ADAMTSL1: variants seen among roughly 807,000 people sequenced by gnomAD.
ADAMTSL1 encodes ADAMTS like 1.
ADAMTSL1 carries 126 observed loss-of-function variants against 201.8 expected under a neutral mutation model. That is an observed-to-expected ratio of 0.62 (90% confidence interval 0.54 to 0.72). The LOEUF is 0.72. ADAMTSL1 is among the 30% of genes least tolerant of loss of function. The probability of loss-of-function intolerance (pLI) is 0.00; values close to 1 mark genes in which losing one functional copy is unlikely to be tolerated. For missense variants in ADAMTSL1, 2,679 were observed against 2,277.8 expected, an observed-to-expected ratio of 1.18 and a Z score of -3.59; for synonymous variants, 1,121 against 903.4, an observed-to-expected ratio of 1.24 and a Z score of -4.32.
intron 4 of ADAMTSL1, among the ~76,000 whole-genome samples, chr9:18,598,713 AC>A (rs1457286418): frequency 6.6e-6 from 1 of 152,082 alleles, no homozygotes; most frequent in African/African-American, 2.4e-5. Flanking sequence ...GTGCAAACCC[AC>A]TGCACCTGCA....
chr9:18,401,083 A>G (rs2133266144), intron 2 of ADAMTSL1, among the ~76,000 whole-genome samples: 2 of 152,326 alleles, frequency 1.3e-5, no homozygotes, highest in African/African-American at 4.8e-5. Flanking sequence ...GACTGTGGCC[A>G]TTAACCAACT....
At position 18,382,498 on chromosome 9, in the gene ADAMTSL1, C is replaced by T. The variant is rs572728659; in HGVS notation, c.208-122331C>T. 4.5e-4 allele frequency among the ~76,000 whole-genome samples: 69 copies of T among 151,832 alleles called. 1 individual carries two copies. Among genetic ancestry groups the T allele is most frequent in the African/African-American group, 1.5e-3 (63 of 41,390 alleles). On this transcript the variant is annotated intron_variant, in intron 2 of 29. Transcript: ENST00000680146. Reference sequence around the variant, plus strand: ...GATTACGTTTTTCTTTTTTTAATGGCGAGAACTGCTTTAGGGTGGGAAGAG... The same window carrying T: ...GATTACGTTTTTCTTTTTTTAATGGTGAGAACTGCTTTAGGGTGGGAAGAG...
At chr9:18,154,818 A>G (rs988697839) in intron 1 of ADAMTSL1, among the ~76,000 whole-genome samples, 1 of 152,088 alleles carries the variant, frequency 6.6e-6, no homozygotes, top group African/African-American at 2.4e-5. Context: ...AATGCTTGCT[A>G]TGCATTAAGT....
intron 23 of ADAMTSL1, among the ~76,000 whole-genome samples, chr9:18,858,840 A>G (rs1013388178): frequency 6.6e-6 from 1 of 152,234 alleles, no homozygotes; most frequent in Non-Finnish European, 1.5e-5. Flanking sequence ...CCTGGGGTCC[A>G]CAAGCTTTGG....
At chr9:18,713,038 C>G (rs1832709238) in intron 14 of ADAMTSL1, among the ~76,000 whole-genome samples, 1 of 151,770 alleles carries the variant, frequency 6.6e-6, no homozygotes, top group South Asian at 2.1e-4. Context: ...ACTTTACAGA[C>G]AAGCAAATGC....
chr9:18,561,036 A>G lies in ADAMTSL1; in HGVS notation c.238-12994A>G, dbSNP rs146000320. Among the ~76,000 whole-genome samples the G allele has an allele frequency of 9.6e-4, 143 of 149,272 alleles. 3 individuals carry two copies. The East Asian group carries it at 0.026, about 27-fold the overall frequency. On this transcript the variant is annotated intron_variant, in intron 3 of 28. Coordinates refer to ENST00000380548, the MANE Select transcript of ADAMTSL1 (RefSeq NM_001040272.6). ...TCTGCCCTGATCTTAGTTATTTCTT[A>G]TCTTCTGCTAGCTTTTGAATTCCTG...
intron 16 of ADAMTSL1, among the ~76,000 whole-genome samples, chr9:18,756,647 T>C (rs1046751758): frequency 2.0e-5 from 3 of 152,212 alleles, no homozygotes; most frequent in Middle Eastern, 3.2e-3. Flanking sequence ...TTAGCAAGGA[T>C]CTGCCAGAGG....
At chr9:18,105,178 A>G (rs1477758105) in intron 1 of ADAMTSL1, among the ~76,000 whole-genome samples, 2 of 152,198 alleles carry the variant, frequency 1.3e-5, no homozygotes, top group Non-Finnish European at 2.9e-5. Flanking sequence ...TCTCACCTGT[A>G]AAACAAGCGA....
rs115658539 is a variant in ADAMTSL1 at position 18,899,710 on chromosome 9, A to G, written c.4852-6072A>G. 6.9e-3 allele frequency among the ~76,000 whole-genome samples: 1,058 copies of G among 152,314 alleles called. 12 individuals carry two copies. Among genetic ancestry groups the G allele is most frequent in the African/African-American group, 0.024 (1,010 of 41,570 alleles). On this transcript the variant is annotated intron_variant, in intron 26 of 28. Coordinates refer to ENST00000380548, the MANE Select transcript of ADAMTSL1 (RefSeq NM_001040272.6). Reference sequence around the variant, plus strand: ...GGAGAAAGGACTCCCTACTTAATAGATGGTGCTTGGATAACTGGCTAGCTG... The same window carrying G: ...GGAGAAAGGACTCCCTACTTAATAGGTGGTGCTTGGATAACTGGCTAGCTG...
intron 2 of ADAMTSL1, among the ~76,000 whole-genome samples, chr9:18,183,263 A>G (rs528601357): frequency 1.6e-4 from 24 of 152,340 alleles, no homozygotes; most frequent in African/African-American, 5.3e-4. Flanking sequence ...CAGAAACACA[A>G]AACTAAAAAA....
intron 2 of ADAMTSL1, among the ~76,000 whole-genome samples, chr9:18,444,792 C>G (rs1035794506): frequency 1.3e-5 from 2 of 152,056 alleles, no homozygotes; most frequent in Non-Finnish European, 2.9e-5. Context: ...TGCAGAAATG[C>G]CATATTTAAT....
intron 2 of ADAMTSL1, among the ~76,000 whole-genome samples, chr9:18,423,043 T>C (rs1251027407): frequency 6.6e-6 from 1 of 152,188 alleles, no homozygotes; most frequent in Admixed American, 6.5e-5. Flanking sequence ...AACTCCCTCA[T>C]CTTGTAGTGA....
intron 17 of ADAMTSL1, among the ~76,000 whole-genome samples, chr9:18,772,700 G>A (rs957289179): frequency 6.6e-6 from 1 of 152,128 alleles, no homozygotes; most frequent in African/African-American, 2.4e-5. Context: ...CCTACTAAAA[G>A]TGAACCCTTA....
intron 2 of ADAMTSL1, among the ~76,000 whole-genome samples, chr9:18,218,585 G>A (rs1830137835): frequency 6.6e-6 from 1 of 152,000 alleles, no homozygotes; most frequent in South Asian, 2.1e-4. Context: ...TTAATTGCCT[G>A]TTCATATCTT....
intron 2 of ADAMTSL1, among the ~76,000 whole-genome samples, chr9:18,528,574 A>G (rs1265685351): frequency 3.3e-5 from 5 of 152,136 alleles, no homozygotes; most frequent in Non-Finnish European, 7.3e-5. Context: ...TCCATGGTGT[A>G]TATGGACCAC....
intron 1 of ADAMTSL1, among the ~76,000 whole-genome samples, chr9:18,503,980 A>AAG (rs1554691178): frequency 6.8e-6 from 1 of 148,042 alleles, no homozygotes; most frequent in Non-Finnish European, 1.5e-5. Context: ...ATGTGCATGC[A>AAG]TGTGTGTGTG....
At chr9:18,347,388 A>T (rs148785002) in intron 2 of ADAMTSL1, among the ~76,000 whole-genome samples, 12 of 152,260 alleles carry the variant, frequency 7.9e-5, no homozygotes, top group African/African-American at 2.6e-4. Context: ...CACCAAGATG[A>T]TGAATGACAT....
At chr9:18,370,520 C>T (rs779337442) in intron 2 of ADAMTSL1, among the ~76,000 whole-genome samples, 2 of 152,100 alleles carry the variant, frequency 1.3e-5, no homozygotes, top group Non-Finnish European at 2.9e-5. Flanking sequence ...GTGCCTCATG[C>T]ACGCCAATGG....
At chr9:18,096,738 T>G (rs1033137463) in intron 1 of ADAMTSL1, among the ~76,000 whole-genome samples, 1 of 152,188 alleles carries the variant, frequency 6.6e-6, no homozygotes, top group Non-Finnish European at 1.5e-5. Context: ...AAATCATGAG[T>G]AGAACTTTTC....
Sources: allele counts gnomAD v4.1 joint callset (sites outside exome capture counted in the v4.1 genomes callset), GRCh38; gene constraint gnomAD v4.1.1; transcripts MANE v1.5; gene names NCBI Gene and HGNC (gene_info 2026-07-23, HGNC 2026-07-21).